METTL14: variants seen among roughly 807,000 people sequenced by gnomAD.
METTL14 encodes the protein N(6)-adenosine-methyltransferase non-catalytic subunit METTL14.
In METTL14, 32 loss-of-function variants were observed where a neutral mutation model predicts 62.4. That is an observed-to-expected ratio of 0.51 (90% CI 0.39 to 0.69). The LOEUF (loss-of-function observed/expected upper bound fraction) is 0.69. Among genes scored for constraint, METTL14 ranks in the 30% least tolerant of loss-of-function variants. The probability of loss-of-function intolerance (pLI) is 0.00; values close to 1 mark genes in which losing one functional copy is unlikely to be tolerated. For missense variants in METTL14, 340 were observed against 551.9 expected (o/e 0.62, Z 3.85); for synonymous variants, 150 against 180.0 (o/e 0.83, Z 1.34).
At chr4:118,687,342 G>T (rs964454532) in intron 1 of METTL14, among the ~76,000 whole-genome samples, 1 of 152,108 alleles carries the variant, frequency 6.6e-6, no homozygotes, top group African/African-American at 2.4e-5. Flanking sequence ...ATTTTGGAGC[G>T]TTTTGGATTT....
chr4:118,698,416 G>A lies in METTL14; in HGVS notation c.645+1093G>A, dbSNP rs1344260270. On this transcript the variant is annotated intron_variant, in intron 7 of 10. Coordinates refer to ENST00000388822, the MANE Select transcript of METTL14 (RefSeq NM_020961.4). ...TGCAGTGAGCCAAGATTGCGCCATT[G>A]CACTCCAGCCTGGGCGACACAGCAA... Among the ~76,000 whole-genome samples, 3 of 134,996 alleles carry A rather than the reference G, an allele frequency of 2.2e-5. No individual in the cohort carries two copies. In the East Asian group the frequency reaches 6.4e-4, roughly 29 times the overall value. 88.6% of individuals were successfully genotyped at this position (134,996 alleles called of 152,430 possible).
At chr4:118,693,449 G>A (rs1410814328) in intron 5 of METTL14, among the ~76,000 whole-genome samples, 1 of 152,028 alleles carries the variant, frequency 6.6e-6, no homozygotes, top group Non-Finnish European at 1.5e-5. Flanking sequence ...AATAATTTGC[G>A]AATATTTTCT....
chr4:118,685,897 C>T (rs895922692), intron 1 of METTL14, among the ~76,000 whole-genome samples: 2 of 152,120 alleles, frequency 1.3e-5, no homozygotes, highest in African/African-American at 4.8e-5. Context: ...GGATGAGTGT[C>T]ATGTTATCCC....
Position 118,698,879 on chromosome 4 carries a change from C to T in METTL14, c.645+1556C>T, listed in dbSNP as rs147349232. 4.0e-3 allele frequency among the ~76,000 whole-genome samples: 609 copies of T among 152,152 alleles called. 2 individuals carry two copies. Among genetic ancestry groups the T allele is most frequent in the African/African-American group, 0.014 (581 of 41,496 alleles). The stretch of plus-strand genomic sequence containing the variant: ...TTTTAGAGGATTATCACATAAAATC[C>T]ATGTAAATAGATGAGTTTATCCTGG... On this transcript the variant is annotated intron_variant, in intron 7 of 10. Coordinates refer to ENST00000388822, the MANE Select transcript of METTL14 (RefSeq NM_020961.4).
chr4:118,692,226 C>CTTTTTTTTT (rs11387432), intron 5 of METTL14, among the ~76,000 whole-genome samples, 158 bp downstream of exon 5: 1 of 131,446 alleles, frequency 7.6e-6, no homozygotes, highest in Non-Finnish European at 1.6e-5. Context: ...CTTTTCTTTT[C>CTTTTTTTTT]TTTTTTTTTT....
At chr4:118,706,911 A>T (rs1272513398) in intron 10 of METTL14, among the ~76,000 whole-genome samples, 2 of 152,020 alleles carry the variant, frequency 1.3e-5, no homozygotes, top group Non-Finnish European at 2.9e-5. Flanking sequence ...TCTTTGGCCC[A>T]TTTTTTATTT....
intron 8 of METTL14, among the ~76,000 whole-genome samples, chr4:118,702,092 A>G (rs942046186): frequency 6.7e-6 from 1 of 149,550 alleles, no homozygotes; most frequent in African/African-American, 2.5e-5. Flanking sequence ...CCCAAATTAG[A>G]TTGAAAATGA....
Position 118,710,224 on chromosome 4 carries a change from A to C in METTL14, c.1293A>C (p.Arg431Ser), listed in dbSNP as rs751485169. ...CTGGCCGTGGACGAGAAAGAAATAG[A>C]TCTAACTTCCGAGGAGAAAGAGGTG... ...TSAGRGRERN[R>S]SNFRGERGGF... is the part of the protein sequence containing the mutation. Residue 431 changes from arginine to serine, a missense_variant, in exon 11 of 11, where the codon AGA becomes AGC. By Grantham distance (110) the Arg-to-Ser change is moderately radical. Around this residue, in one of 7 missense-constraint regions of METTL14, gnomAD observed 44 missense variants for 56.4 expected, o/e 0.78. Transcript: ENST00000388822. The C allele has an allele frequency of 6.2e-7, 1 of 1,614,206 alleles. No homozygotes were observed. The highest frequency in any genetic ancestry group is 8.5e-7 in the Non-Finnish European group (1 of 1,180,038).
In METTL14 at chr4:118,685,574, T is replaced by C. The variant is rs750310871; in HGVS notation, c.40T>C (p.Leu14=). The C allele has an allele frequency of 1.2e-6, 2 of 1,614,148 alleles. No homozygotes were observed. Among genetic ancestry groups the C allele is most frequent in the Middle Eastern group, 1.7e-4 (1 of 6,058 alleles). The change falls in exon 1 of 11, where the codon TTA becomes CTA. Residue 14 remains leucine, a synonymous_variant. Coordinates refer to ENST00000388822, the MANE Select transcript of METTL14 (RefSeq NM_020961.4). Reference sequence around the variant, plus strand: ...GCAGGAGATCCGGGAGCGGCAGAAGTTACGGCGACAGCTCCTCGCGCAGCA... The same window carrying C: ...GCAGGAGATCCGGGAGCGGCAGAAGCTACGGCGACAGCTCCTCGCGCAGCA... ...RLQEIRERQK[L]RRQLLAQQLG...
In METTL14 at chr4:118,691,543, A is replaced by C; in HGVS notation, c.255A>C (p.Glu85Asp). Residue 85 changes from glutamate to aspartate, a missense_variant, in exon 4 of 11, where the codon GAA (glutamate) becomes GAC (aspartate). By Grantham distance (45) the Glu-to-Asp change is conservative. Around this residue, in one of 7 missense-constraint regions of METTL14, gnomAD observed 111 missense variants for 116.6 expected, o/e 0.95. Coordinates refer to ENST00000388822, the MANE Select transcript of METTL14 (RefSeq NM_020961.4). ...DKMEEYKDEL[E>D]MQQDEENLPY... ...TTATGTTTTTCAAGGATGAACTAGA[A>C]ATGCAACAGGATGAAGAAAATTTGC... The C allele has an allele frequency of 1.3e-6, 2 of 1,550,020 alleles. No homozygotes were observed. Among genetic ancestry groups the C allele is most frequent in the Non-Finnish European group, 1.7e-6 (2 of 1,144,176 alleles).
At position 118,703,955 on chromosome 4, in the gene METTL14, C is replaced by T. The variant is rs1379264569; in HGVS notation, c.759C>T (p.Tyr253=). 6.4e-7 allele frequency: 1 copy of T among 1,570,242 alleles called. No individual in the cohort carries two copies. The highest frequency in any genetic ancestry group is 8.6e-7 in the Non-Finnish European group (1 of 1,165,588). Residue 253 remains tyrosine, a synonymous_variant, in exon 9 of 11, where the codon TAC becomes TAT. Coordinates refer to ENST00000388822, the MANE Select transcript of METTL14 (RefSeq NM_020961.4). The part of the protein sequence containing the change: ...LGRVCLRKWG[Y]RRCEDICWIK... The stretch of plus-strand genomic sequence containing the variant: ...TCTAGTGTTTACGAAAATGGGGTTA[C>T]AGAAGATGTGAAGATATTTGTTGGA...
Position 118,694,496 on chromosome 4 carries a change from A to G in METTL14, c.473A>G (p.Glu158Gly). Reference sequence around the variant, plus strand: ...AGGGAGCTCATCAGGCTAAAGGATGAGTTAATAGCTAAATCTAACACTCCT... The same window carrying G: ...AGGGAGCTCATCAGGCTAAAGGATGGGTTAATAGCTAAATCTAACACTCCT... ...KLRELIRLKD[E>G]LIAKSNTPPM... Residue 158 changes from glutamate (E) to glycine (G), a missense_variant, in exon 6 of 11, where the codon GAG becomes GGG. Glu to Gly is a moderately conservative substitution (Grantham distance 98, BLOSUM62 -2). Around this residue, in one of 7 missense-constraint regions of METTL14, gnomAD observed 41 missense variants for 44.0 expected, o/e 0.93. Coordinates refer to ENST00000388822, the MANE Select transcript of METTL14 (RefSeq NM_020961.4). 6.2e-7 allele frequency: 1 copy of G among 1,613,154 alleles called. No homozygotes were observed. The highest frequency in any genetic ancestry group is 8.5e-7 in the Non-Finnish European group (1 of 1,179,498).
At chr4:118,686,550 AT>A in intron 1 of METTL14, 1 of 455,202 alleles carries the variant, frequency 2.2e-6, no homozygotes, top group Non-Finnish European at 4.4e-6. Flanking sequence ...TGATGAACAG[AT>A]TTGTGGAATA....
At position 118,710,067 on chromosome 4, in the gene METTL14, G is replaced by T. The variant is rs564532744; in HGVS notation, c.1136G>T (p.Ser379Ile). 2.2e-5 allele frequency: 35 copies of T among 1,614,022 alleles called. No individual in the cohort carries two copies. Among genetic ancestry groups the T allele is most frequent in the Non-Finnish European group, 2.9e-5 (34 of 1,180,032 alleles). Residue 379 changes from serine (S) to isoleucine (I), a missense_variant, in exon 11 of 11, where the codon AGT (serine) becomes ATT (isoleucine). Physicochemically the swap from Ser to Ile is moderately radical, Grantham distance 142 (BLOSUM62 -2). Transcript: ENST00000388822. The part of the protein sequence containing the change: ...YNAETYASYF[S>I]APNSYLTGCT... ...GCAGAAACATATGCATCCTATTTCA[G>T]TGCTCCTAATTCCTACTTGACTGGT...
At chr4:118,699,987 A>G (rs548971082) in intron 7 of METTL14, among the ~76,000 whole-genome samples, 12 of 152,286 alleles carry the variant, frequency 7.9e-5, no homozygotes, top group Non-Finnish European at 8.8e-5. Context: ...CACAAGCATT[A>G]AAGTACCAAC....
At chr4:118,694,352 T>A in intron 5 of METTL14, 84 bp from the exon 6 acceptor site, 1 of 1,005,766 alleles carries the variant, frequency 9.9e-7, no homozygotes, top group Non-Finnish European at 1.5e-6. Flanking sequence ...TTATTTTGTT[T>A]TCTTGGGAGG....
chr4:118,686,573 G>T (rs1341600679), intron 1 of METTL14: 1 of 455,986 alleles, frequency 2.2e-6, no homozygotes, highest in Non-Finnish European at 4.4e-6. Context: ...GGCTAAAACC[G>T]TGGAAACTTG....
intron 1 of METTL14, 60 bp from the exon 2 acceptor site, chr4:118,687,863 A>G (rs1724121983): frequency 2.9e-6 from 4 of 1,384,200 alleles, no homozygotes; most frequent in Non-Finnish European, 4.1e-6. Flanking sequence ...TGCTGCTACA[A>G]ATGCCCAGAA....
intron 8 of METTL14, among the ~76,000 whole-genome samples, chr4:118,703,185 T>C (rs1337669526): frequency 1.3e-5 from 2 of 152,196 alleles, no homozygotes; most frequent in South Asian, 2.1e-4. Flanking sequence ...TATTTGTTTA[T>C]TTTTCCCTCC....
Sources: allele counts gnomAD v4.1 joint callset (sites outside exome capture counted in the v4.1 genomes callset), GRCh38; gene constraint gnomAD v4.1.1; regional missense constraint gnomAD v4.1.1; transcripts MANE v1.5; gene names NCBI Gene and HGNC (gene_info 2026-07-23, HGNC 2026-07-21).